SRCAP: variants seen among roughly 807,000 people sequenced by gnomAD.
The protein encoded by SRCAP is Snf2 related CREBBP activator protein, also known as chromatin remodeling protein SRCAP.
A neutral mutation model predicts 263.1 loss-of-function variants in SRCAP; 46 were observed. The observed-to-expected ratio is 0.17, with a 90% CI of 0.14 to 0.22. The LOEUF is 0.22. Ranked by LOEUF, SRCAP falls within the 10% of genes least tolerant of loss-of-function variation. The probability of loss-of-function intolerance (pLI) is 1.00; values close to 1 mark genes in which losing one functional copy is unlikely to be tolerated. For synonymous variants in SRCAP, 1,813 were observed against 1,662.1 expected, an observed-to-expected ratio of 1.09 and a Z score of -2.21; for missense variants, 3,695 against 4,181.9, an observed-to-expected ratio of 0.88 and a Z score of 3.21.
rs971200508 is a variant in SRCAP at position 30,739,812 on chromosome 16, G to A, written c.*79G>A. 7 of 1,427,752 alleles carry A rather than the reference G, an allele frequency of 4.9e-6. No individual in the cohort carries two copies. The highest frequency in any genetic ancestry group is 6.4e-6 in the Non-Finnish European group (7 of 1,087,760). The allele number at this position is 1,427,752 out of a possible 1,614,324, so 88.4% of individuals were successfully genotyped here. On this transcript the variant is annotated 3_prime_UTR_variant, in exon 34 of 34. Transcript: ENST00000262518. ...GGCCTGACTCTGTTAACCACTACTTGAAGTCTTGAGGGGGAAAGCCTCCAG... is the reference window on the plus strand; with the variant it reads ...GGCCTGACTCTGTTAACCACTACTTAAAGTCTTGAGGGGGAAAGCCTCCAG...
In SRCAP at chr16:30,738,433, G is replaced by T; in HGVS notation, c.8393G>T (p.Gly2798Val). ...PGSPSVRSMS[G>V]PESSPPIGGP... is the part of the protein sequence containing the mutation. ...AGCCCGTCTGTCCGCAGCATGTCAG[G>T]GCCAGAATCCTCCCCTCCCATTGGT... The change falls in exon 34 of 34, where the codon GGG (glycine) becomes GTG (valine). Residue 2798 changes from glycine to valine, a missense_variant. By Grantham distance (109) the Gly-to-Val change is moderately radical. This residue lies in a region of SRCAP where 1,207 missense variants were observed against 1,142.9 expected (regional missense o/e 1.06). Transcript: ENST00000262518. 6.4e-7 allele frequency: 1 copy of T among 1,553,458 alleles called. No homozygotes were observed. The highest frequency in any genetic ancestry group is 8.7e-7 in the Non-Finnish European group (1 of 1,149,324).
At chr16:30,703,918 T>C (rs1158116065) in intron 3 of SRCAP, 146 bp from the exon 4 acceptor site, 1 of 1,015,172 alleles carries the variant, frequency 9.9e-7, no homozygotes, top group East Asian at 2.8e-5. Flanking sequence ...ATAAAAACTT[T>C]ATCCCGAACG....
In SRCAP at chr16:30,737,262, G is replaced by C; in HGVS notation, c.7222G>C (p.Gly2408Arg). ...RLRGARAETQ[G>R]ANHTPVISAH... ...TCGTGGAGCCCGGGCTGAGACTCAA[G>C]GGGCAAACCACACTCCTGTCATATC... The change falls in exon 34 of 34, where the codon GGG (glycine) becomes CGG (arginine). Residue 2408 changes from glycine to arginine, a missense_variant. By Grantham distance (125) the Gly-to-Arg change is moderately radical. Around this residue, in one of 12 missense-constraint regions of SRCAP, gnomAD observed 1,207 missense variants for 1,142.9 expected, o/e 1.06. Coordinates refer to ENST00000262518, the MANE Select transcript of SRCAP (RefSeq NM_006662.3). 6.2e-7 allele frequency: 1 copy of C among 1,614,014 alleles called. No homozygotes were observed. Among genetic ancestry groups the C allele is most frequent in the South Asian group, 1.1e-5 (1 of 91,082 alleles).
In SRCAP at chr16:30,728,996, C is replaced by T; in HGVS notation, c.5689C>T (p.Arg1897Trp). The change falls in exon 26 of 34, where the codon CGG becomes TGG. Residue 1897 changes from arginine (R) to tryptophan (W), a missense_variant. Transcript: ENST00000262518. ...DSLEEKRKRQ[R>W]SERLERIFQL... ...CCTGGAGGAAAAGCGGAAGCGGCAG[C>T]GGTCTGAACGCCTGGAACGGATTTT... is the stretch of plus-strand genomic sequence containing the variant. 4 of 1,613,736 alleles carry T rather than the reference C, an allele frequency of 2.5e-6. No homozygotes were observed. The highest frequency in any genetic ancestry group is 1.7e-6 in the Non-Finnish European group (2 of 1,179,692).
rs763094993 is a variant in SRCAP, at chr16:30,733,865, G to C, written c.6495-29G>C. The C allele has an allele frequency of 6.2e-7, 1 of 1,613,314 alleles. No individual in the cohort carries two copies. Among genetic ancestry groups the C allele is most frequent in the South Asian group, 1.1e-5 (1 of 91,006 alleles). The stretch of plus-strand genomic sequence containing the variant: ...TGGGGTTTCCTGGATATATTTGGCT[G>C]CTTACACACGGCCTTCATCACCCCC... On this transcript the variant is annotated intron_variant, in intron 29 of 33. Coordinates refer to ENST00000262518, the MANE Select transcript of SRCAP (RefSeq NM_006662.3). The surrounding 1 kb of genome is among the most constrained non-coding windows in gnomAD (Gnocchi z 5.3).
chr16:30,704,450 C>A, intron 4 of SRCAP, 135 bp downstream of exon 4: 1 of 1,036,878 alleles, frequency 9.6e-7, no homozygotes, highest in Non-Finnish European at 1.4e-6. Flanking sequence ...TGTATATGAT[C>A]GTGAGCAAAC....
At chr16:30,708,633 A>T (rs1188543515) in intron 6 of SRCAP, among the ~76,000 whole-genome samples, 1 of 152,046 alleles carries the variant, frequency 6.6e-6, no homozygotes, top group East Asian at 1.9e-4. Flanking sequence ...ACCTCAGGTT[A>T]TCCACTCGCC....
At chr16:30,726,826 G>A (rs976082590) in intron 25 of SRCAP, among the ~76,000 whole-genome samples, 2 of 152,056 alleles carry the variant, frequency 1.3e-5, no homozygotes, top group African/African-American at 4.8e-5. Flanking sequence ...TCATCTTCCC[G>A]AGTGGCTGGG....
chr16:30,722,734 T>A lies in SRCAP; in HGVS notation c.3878T>A (p.Leu1293His), dbSNP rs761351109. 6.2e-7 allele frequency: 1 copy of A among 1,611,764 alleles called. No individual in the cohort carries two copies. Among genetic ancestry groups the A allele is most frequent in the East Asian group, 2.2e-5 (1 of 44,772 alleles). ...GCCCCTACTGGCCTCAGCCTTCCGC[T>A]TGCTGCTAACCAGGGTGAGGCTCCT... ...TPAPTGLSLP[L>H]AANQVPPTMV... Residue 1293 changes from leucine (L) to histidine (H), a missense_variant, in exon 23 of 34, where the codon CTT (leucine) becomes CAT (histidine). Coordinates refer to ENST00000262518, the MANE Select transcript of SRCAP (RefSeq NM_006662.3).
Position 30,724,168 on chromosome 16 carries a change from G to C in SRCAP, c.4744G>C (p.Ala1582Pro). The C allele has an allele frequency of 6.2e-7, 1 of 1,614,006 alleles. No homozygotes were observed. Among genetic ancestry groups the C allele is most frequent in the Non-Finnish European group, 8.5e-7 (1 of 1,179,992 alleles). Residue 1582 changes from alanine (A) to proline (P), a missense_variant, in exon 25 of 34, where the codon GCT becomes CCT. This residue lies in a region of SRCAP where 1,347 missense variants were observed against 1,304.4 expected (regional missense o/e 1.03). Transcript: ENST00000262518. ...GGCTCCAGCATCTTCTGCATCTCAG[G>C]CTCTAGCCACCCCTCTGGCTCCTAT... ...LLAPASSASQ[A>P]LATPLAPMAA... is the part of the protein sequence containing the mutation.
intron 6 of SRCAP, among the ~76,000 whole-genome samples, chr16:30,707,995 C>T (rs896567212): frequency 6.6e-6 from 1 of 152,134 alleles, no homozygotes; most frequent in Non-Finnish European, 1.5e-5. Flanking sequence ...GCTTAAATTC[C>T]GTCAAAGTTC....
intron 18 of SRCAP, among the ~76,000 whole-genome samples, chr16:30,718,024 CCTGA>C (rs940542381): frequency 1.3e-3 from 201 of 151,578 alleles, no homozygotes; most frequent in African/African-American, 4.7e-3. Flanking sequence ...CACCACTATG[CCTGA>C]CTGATTTTTT....
At chr16:30,712,547 T>A in intron 13 of SRCAP, 108 bp downstream of exon 13, 1 of 1,516,136 alleles carries the variant, frequency 6.6e-7, no homozygotes, top group Non-Finnish European at 8.9e-7. Context: ...CTCCGGTCAT[T>A]AACTGTATAG....
At chr16:30,722,422 G>A in intron 22 of SRCAP, 136 bp downstream of exon 22, 1 of 1,501,976 alleles carries the variant, frequency 6.7e-7, no homozygotes, top group Non-Finnish European at 9.0e-7. Context: ...CATGGTTGGA[G>A]GGATCTTGGA....
At chr16:30,719,964 G>A (rs1018364324) in intron 18 of SRCAP, among the ~76,000 whole-genome samples, 198 bp from the exon 19 acceptor site, 3 of 152,178 alleles carry the variant, frequency 2.0e-5, no homozygotes, top group Admixed American at 1.3e-4. Context: ...CGCCACAGTC[G>A]TTTCTGGCGT....
Position 30,724,451 on chromosome 16 carries a change from CTTCTACGCA to C in SRCAP, c.5028_5036del (p.Ser1677_Gln1679del). The C allele has an allele frequency of 6.2e-7, 1 of 1,614,238 alleles. No individual in the cohort carries two copies. The highest frequency in any genetic ancestry group is 8.5e-7 in the Non-Finnish European group (1 of 1,180,040). The stretch of plus-strand genomic sequence containing the variant: ...GTTCCGTCACCTCTCCCGAGCCCGG[CTTCTACGCA>C]GACACTGGCCCTAGCCCCAGCTTTA... On this transcript the variant is annotated inframe_deletion, in exon 25 of 34. Coordinates refer to ENST00000262518, the MANE Select transcript of SRCAP (RefSeq NM_006662.3).
intron 5 of SRCAP, 65 bp downstream of exon 5, chr16:30,707,433 A>G: frequency 6.2e-7 from 1 of 1,602,914 alleles, no homozygotes; most frequent in Non-Finnish European, 8.5e-7. Context: ...GGTTTGTTGG[A>G]AGGGGACCAG....
At chr16:30,705,188 C>T (rs2052813064) in intron 4 of SRCAP, among the ~76,000 whole-genome samples, 1 of 152,070 alleles carries the variant, frequency 6.6e-6, no homozygotes. Context: ...GTAGTCCTAG[C>T]TACTCAGGAA....
intron 30 of SRCAP, 59 bp downstream of exon 30, chr16:30,734,067 C>G (rs2053136925): frequency 3.5e-6 from 5 of 1,430,230 alleles, no homozygotes; most frequent in Non-Finnish European, 3.8e-6. Context: ...TCAGGAGTTC[C>G]TCCTGTTTAT....
Sources: gnomAD v4.1 joint callset for allele counts (sites outside exome capture counted in the v4.1 genomes callset) on GRCh38, gnomAD v4.1.1 for gene constraint, gnomAD v4.1.1 regional missense constraint, Gnocchi (gnomAD v3.1) non-coding constraint, MANE v1.5 for transcripts, NCBI Gene and HGNC (gene_info 2026-07-23, HGNC 2026-07-21) for gene names.